TMEFF2: variants seen among roughly 807,000 people sequenced by gnomAD.
The protein encoded by TMEFF2 is tomoregulin-2.
A neutral mutation model predicts 53.8 loss-of-function variants in TMEFF2; 28 were observed. The ratio of observed to expected loss-of-function variants is 0.52; its 90% confidence interval spans 0.39 to 0.71. The LOEUF is 0.71. Among genes scored for constraint, TMEFF2 ranks in the 30% least tolerant of loss-of-function variants. The probability of loss-of-function intolerance (pLI) is 0.00; values close to 1 mark genes in which losing one functional copy is unlikely to be tolerated. For synonymous variants in TMEFF2, 162 were observed against 166.3 expected (o/e 0.97, Z 0.20); for missense variants, 353 against 455.2 (o/e 0.78, Z 2.04).
At chr2:192,031,115 C>T (rs2105872440) in intron 5 of TMEFF2, among the ~76,000 whole-genome samples, 1 of 152,302 alleles carries the variant, frequency 6.6e-6, no homozygotes, top group South Asian at 2.1e-4. Flanking sequence ...GGAAAGCCTT[C>T]CTTGGTCATC....
At chr2:192,141,649 G>C (rs949558264) in intron 4 of TMEFF2, among the ~76,000 whole-genome samples, 1 of 152,112 alleles carries the variant, frequency 6.6e-6, no homozygotes, top group African/African-American at 2.4e-5. Context: ...TGGTAAAGAG[G>C]AAGCATGAAA....
At position 191,949,418 on chromosome 2, in the gene TMEFF2, T is replaced by C. The variant is rs182248193; in HGVS notation, c.*893A>G. ...TATTGGTTGTGATTCTAACTTCTTT[T>C]CAAAGAACTATATACTATACATATT... On this transcript the variant is annotated 3_prime_UTR_variant, in exon 10 of 10. Coordinates refer to ENST00000272771, the MANE Select transcript of TMEFF2 (RefSeq NM_016192.4). 2 of 985,412 alleles carry C rather than the reference T, an allele frequency of 2.0e-6. No individual in the cohort carries two copies. The highest frequency in any genetic ancestry group is 1.1e-4 in the East Asian group (1 of 8,816). The allele number at this position is 985,412 out of a possible 1,614,324, so 61.0% of individuals were successfully genotyped here.
chr2:192,026,981 A>G (rs902644976), intron 5 of TMEFF2, among the ~76,000 whole-genome samples: 2 of 152,254 alleles, frequency 1.3e-5, no homozygotes, highest in African/African-American at 4.8e-5. Flanking sequence ...TATAAATGCC[A>G]ATGGAACAGT....
intron 7 of TMEFF2, among the ~76,000 whole-genome samples, chr2:191,979,842 C>CTCTATCTATCTATCTATCTATCTA (rs945433067): frequency 4.1e-5 from 6 of 147,252 alleles, no homozygotes; most frequent in African/African-American, 1.3e-4. Flanking sequence ...CTATATATAT[C>CTCTATCTATCTATCTATCTATCTA]TCTATCTATC....
chr2:191,977,133 T>C (rs543279966), intron 7 of TMEFF2, among the ~76,000 whole-genome samples: 1 of 152,334 alleles, frequency 6.6e-6, no homozygotes, highest in African/African-American at 2.4e-5. Context: ...ATACATGAAA[T>C]ATGAACATGA....
At chr2:192,148,692 G>T (rs1022816422) in intron 4 of TMEFF2, among the ~76,000 whole-genome samples, 1 of 152,028 alleles carries the variant, frequency 6.6e-6, no homozygotes, top group Admixed American at 6.6e-5. Flanking sequence ...GCATTACACA[G>T]TAAAAGCATA....
At chr2:192,124,862 C>T (rs1210181554) in intron 4 of TMEFF2, among the ~76,000 whole-genome samples, 1 of 152,154 alleles carries the variant, frequency 6.6e-6, no homozygotes, top group Non-Finnish European at 1.5e-5. Flanking sequence ...GTCCTCATTG[C>T]TCCTCTACCA....
chr2:192,008,252 C>T (rs1288775716), intron 5 of TMEFF2, among the ~76,000 whole-genome samples: 2 of 152,182 alleles, frequency 1.3e-5, no homozygotes, highest in Non-Finnish European at 2.9e-5. Context: ...GACTTATTAA[C>T]GCCCACTGTG....
intron 7 of TMEFF2, among the ~76,000 whole-genome samples, chr2:191,987,347 G>A (rs1364746764): frequency 2.0e-5 from 3 of 152,062 alleles, no homozygotes; most frequent in African/African-American, 4.8e-5. Context: ...CTGAACTAAA[G>A]CTATATACTT....
intron 7 of TMEFF2, among the ~76,000 whole-genome samples, chr2:191,991,656 C>T (rs374683600): frequency 3.9e-5 from 6 of 152,142 alleles, no homozygotes; most frequent in African/African-American, 1.4e-4. Context: ...CCAGCTGCTG[C>T]ACACTTATGG....
chr2:192,050,950 G>A (rs4853488), intron 5 of TMEFF2, among the ~76,000 whole-genome samples: 145,598 of 152,162 alleles, frequency 0.96, 69,983 homozygotes, highest in East Asian at 1. Flanking sequence ...GGAGCTGTAT[G>A]TGCACTCCCC....
At position 191,954,183 on chromosome 2, in the gene TMEFF2, G is replaced by A. The variant is rs534250158; in HGVS notation, c.870-346C>T. ...ATTACAGGCGTGAGCCACCGCGCCC[G>A]GCCTGCATTCATTTTTATAGTTGAT... is the stretch of plus-strand genomic sequence containing the variant. On this transcript the variant is annotated intron_variant, in intron 8 of 9. Coordinates refer to ENST00000272771, the MANE Select transcript of TMEFF2 (RefSeq NM_016192.4). 4.6e-5 allele frequency among the ~76,000 whole-genome samples: 7 copies of A among 152,166 alleles called. No individual in the cohort carries two copies. In the East Asian group the frequency reaches 1.2e-3, roughly 25 times the overall value.
At chr2:192,058,310 A>G (rs1687961156) in intron 4 of TMEFF2, among the ~76,000 whole-genome samples, 1 of 152,146 alleles carries the variant, frequency 6.6e-6, no homozygotes, top group Non-Finnish European at 1.5e-5. Flanking sequence ...GTTGATTATA[A>G]GTTTTTAGAA....
At chr2:192,193,761 TAGAGAG>T (rs530141565) in intron 1 of TMEFF2, among the ~76,000 whole-genome samples, 1,200 of 47,730 alleles carry the variant, frequency 0.025, 15 homozygotes, top group Non-Finnish European at 0.033. Context: ...GATAGATAGA[TAGAGAG>T]AGAGAGAGAG....
intron 5 of TMEFF2, among the ~76,000 whole-genome samples, chr2:192,034,294 TAAC>T (rs1318405027): frequency 1.3e-5 from 2 of 152,020 alleles, no homozygotes; most frequent in African/African-American, 4.8e-5. Context: ...CCAGTTAAAA[TAAC>T]AATCTCAATA....
chr2:191,964,398 C>CTTTCTTTCTCTTTCTTTCTTTCTT (rs200251020), intron 7 of TMEFF2, among the ~76,000 whole-genome samples: 1 of 51,750 alleles, frequency 1.9e-5, no homozygotes, highest in Non-Finnish European at 3.7e-5. Context: ...TTCTTTCTTT[C>CTTTCTTTCTCTTTCTTTCTTTCTT]TCTTTCTTTC....
intron 7 of TMEFF2, among the ~76,000 whole-genome samples, chr2:191,958,874 A>G (rs964094658): frequency 1.1e-4 from 16 of 152,194 alleles, no homozygotes; most frequent in African/African-American, 3.6e-4. Flanking sequence ...TTTATAGTCA[A>G]TCCAACCAAG....
At chr2:192,166,606 C>G (rs181035950) in intron 4 of TMEFF2, among the ~76,000 whole-genome samples, 1 of 152,180 alleles carries the variant, frequency 6.6e-6, no homozygotes, top group African/African-American at 2.4e-5. Context: ...TTAAGTACCT[C>G]TAGTCTAAGG....
At chr2:191,986,488 GA>G (rs1245140005) in intron 7 of TMEFF2, among the ~76,000 whole-genome samples, 1 of 151,780 alleles carries the variant, frequency 6.6e-6, no homozygotes, top group African/African-American at 2.4e-5. Flanking sequence ...TCATTCTAAT[GA>G]GCCTTTGTAG....
Sources: allele counts gnomAD v4.1 joint callset (sites outside exome capture counted in the v4.1 genomes callset), GRCh38; gene constraint gnomAD v4.1.1; transcripts MANE v1.5; gene names NCBI Gene and HGNC (gene_info 2026-07-23, HGNC 2026-07-21).